The following MYO18B variants were observed in gnomAD, a reference collection of about 807,000 sequenced individuals.
MYO18B encodes myosin XVIIIB.
MYO18B carries 204 observed loss-of-function variants against 273.0 expected under a neutral mutation model. That is an observed-to-expected ratio of 0.75 (90% confidence interval 0.67 to 0.84). The LOEUF is 0.84. MYO18B is among the 40% of genes least tolerant of loss of function. The pLI is 0.00. For missense variants in MYO18B, 3,212 were observed against 3,287.6 expected (o/e 0.98, Z 0.56); for synonymous variants, 1,330 against 1,305.7 (o/e 1.02, Z -0.40).
chr22:25,887,747 G>T (rs2285198), intron 25 of MYO18B, among the ~76,000 whole-genome samples: 45,529 of 151,962 alleles, frequency 0.3, 6,986 homozygotes, highest in East Asian at 0.43. Flanking sequence ...AAGGTCAGGG[G>T]CACCTTGTCT....
chr22:25,953,517 GCAT>G (rs1185022900), intron 38 of MYO18B: 1 of 152,102 alleles, frequency 6.6e-6, no homozygotes, highest in African/African-American at 2.4e-5. Flanking sequence ...CTCCCTAGGG[GCAT>G]CTGGTCTCCA....
At chr22:25,853,702 G>T (rs2090488891) in intron 21 of MYO18B, among the ~76,000 whole-genome samples, 1 of 152,106 alleles carries the variant, frequency 6.6e-6, no homozygotes, top group African/African-American at 2.4e-5. Context: ...ATATGGAAGT[G>T]TTTCTACTCT....
intron 13 of MYO18B, among the ~76,000 whole-genome samples, chr22:25,824,813 G>A (rs2089426835): frequency 1.3e-5 from 2 of 151,350 alleles, no homozygotes; most frequent in East Asian, 2.0e-4. Context: ...ACACACACAT[G>A]CTTATGCACA....
At position 25,832,937 on chromosome 22, in the gene MYO18B, T is replaced by C; in HGVS notation, c.3000T>C (p.Phe1000=). ...RYQEEGVPVQ[F]DLPDPSPGTT... ...TCCAGGAAGGTGTTCCTGTGCAGTT[T>C]GACCTCCCGGACCCCTCCCCAGGGA... Residue 1000 remains phenylalanine (F), a synonymous_variant, in exon 16 of 44, where the codon TTT becomes TTC. Transcript: ENST00000335473. 6.2e-7 allele frequency: 1 copy of C among 1,613,954 alleles called. No homozygotes were observed. Among genetic ancestry groups the C allele is most frequent in the Middle Eastern group, 1.7e-4 (1 of 6,058 alleles).
intron 17 of MYO18B, among the ~76,000 whole-genome samples, chr22:25,843,191 C>A (rs1055549795): frequency 2.6e-5 from 4 of 152,116 alleles, no homozygotes; most frequent in African/African-American, 9.7e-5. Context: ...TTTTCTCCCA[C>A]CCTGTCTCTT....
intron 36 of MYO18B, among the ~76,000 whole-genome samples, chr22:25,948,172 A>G (rs550640029): frequency 1.3e-5 from 2 of 152,022 alleles, no homozygotes; most frequent in African/African-American, 2.4e-5. Flanking sequence ...CTATCCATCT[A>G]TCCATTGTCC....
At chr22:25,752,688 G>A (rs2085969898) in intron 1 of MYO18B, among the ~76,000 whole-genome samples, 1 of 152,128 alleles carries the variant, frequency 6.6e-6, no homozygotes, top group South Asian at 2.1e-4. Flanking sequence ...ACATGGGGTT[G>A]AGAGGTGACA....
At chr22:25,959,924 C>T (rs184978958) in intron 39 of MYO18B, among the ~76,000 whole-genome samples, 4 of 152,282 alleles carry the variant, frequency 2.6e-5, no homozygotes, top group Non-Finnish European at 5.9e-5. Context: ...AAAAAGGATC[C>T]GGTGCTCTGG....
intron 21 of MYO18B, among the ~76,000 whole-genome samples, chr22:25,862,932 C>G (rs1471808070): frequency 7.9e-5 from 12 of 151,920 alleles, no homozygotes; most frequent in Admixed American, 7.9e-4. Context: ...TCTTCTGAGA[C>G]TCCTGTTGTG....
At chr22:25,809,632 A>G (rs1422609313) in intron 12 of MYO18B, among the ~76,000 whole-genome samples, 1 of 152,134 alleles carries the variant, frequency 6.6e-6, no homozygotes, top group African/African-American at 2.4e-5. Flanking sequence ...ACCATCATAA[A>G]GTTATCAGTG....
chr22:25,922,410 G>C (rs1291939212), intron 34 of MYO18B, among the ~76,000 whole-genome samples: 1 of 152,106 alleles, frequency 6.6e-6, no homozygotes, highest in Non-Finnish European at 1.5e-5. Context: ...CCCACAGGGT[G>C]GTGCAAGCCT....
Position 25,956,837 on chromosome 22 carries a change from C to T in MYO18B, c.6156+1473C>T, listed in dbSNP as rs980175394. Reference sequence around the variant, plus strand: ...GCTCTGGTGCTGTGAGAGGTCTTACCAACTTGTTCTTCCTGCAGCAAATAT... The same window carrying T: ...GCTCTGGTGCTGTGAGAGGTCTTACTAACTTGTTCTTCCTGCAGCAAATAT... On this transcript the variant is annotated intron_variant, in intron 39 of 43. Coordinates refer to ENST00000335473, the MANE Select transcript of MYO18B (RefSeq NM_032608.7). Among the ~76,000 whole-genome samples the T allele has an allele frequency of 2.6e-5, 4 of 152,234 alleles. No individual in the cohort carries two copies. The South Asian group carries it at 6.2e-4, about 24-fold the overall frequency.
intron 12 of MYO18B, among the ~76,000 whole-genome samples, chr22:25,820,405 T>C (rs2089231754): frequency 6.6e-6 from 1 of 152,192 alleles, no homozygotes; most frequent in African/African-American, 2.4e-5. Flanking sequence ...TTCTTCAAGC[T>C]GTCTACTTGA....
At chr22:25,919,426 G>T (rs1412635759) in intron 33 of MYO18B, among the ~76,000 whole-genome samples, 1 of 152,162 alleles carries the variant, frequency 6.6e-6, no homozygotes, top group East Asian at 1.9e-4. Context: ...TCTGTAAAAT[G>T]GGAATCATAA....
Position 25,952,445 on chromosome 22 carries a change from G to A in MYO18B, c.5970+22G>A, listed in dbSNP as rs753869797. On this transcript the variant is annotated intron_variant, in intron 38 of 43. Coordinates refer to ENST00000335473, the MANE Select transcript of MYO18B (RefSeq NM_032608.7). ...TGAGGTACGTAGTGATTCATAAATAGTGCCTGGGCCAAGAGCAGGGAGAGC... is the reference window on the plus strand; with the variant it reads ...TGAGGTACGTAGTGATTCATAAATAATGCCTGGGCCAAGAGCAGGGAGAGC... 5 of 1,611,940 alleles carry A rather than the reference G, an allele frequency of 3.1e-6. No individual in the cohort carries two copies. The African/African-American group carries it at 5.3e-5, about 17-fold the overall frequency.
chr22:25,785,531 G>C, intron 11 of MYO18B, 40 bp downstream of exon 11: 1 of 1,594,952 alleles, frequency 6.3e-7, no homozygotes, highest in East Asian at 2.3e-5. Flanking sequence ...GTGAGTCTGT[G>C]TCTGGGGCTA....
intron 34 of MYO18B, among the ~76,000 whole-genome samples, chr22:25,943,736 T>C (rs548924482): frequency 1.4e-5 from 1 of 73,804 alleles, no homozygotes; most frequent in African/African-American, 5.1e-5. Context: ...TTTTTTTTTC[T>C]GAGACGGAGT....
At chr22:25,783,748 T>C (rs972187689) in intron 10 of MYO18B, among the ~76,000 whole-genome samples, 2 of 152,182 alleles carry the variant, frequency 1.3e-5, no homozygotes, top group Non-Finnish European at 2.9e-5. Flanking sequence ...TTATTGAGTT[T>C]GGCATCCTTA....
At chr22:25,849,469 T>C (rs2090357379) in intron 20 of MYO18B, among the ~76,000 whole-genome samples, 1 of 152,186 alleles carries the variant, frequency 6.6e-6, no homozygotes, top group African/African-American at 2.4e-5. Context: ...AATCTGTGCA[T>C]ATATAATATA....
Sources: gnomAD v4.1 joint callset for allele counts (sites outside exome capture counted in the v4.1 genomes callset) on GRCh38, gnomAD v4.1.1 for gene constraint, MANE v1.5 for transcripts, NCBI Gene and HGNC (gene_info 2026-07-23, HGNC 2026-07-21) for gene names.